The following GRIK2 variants were observed in gnomAD, a reference collection of about 807,000 sequenced individuals.
The protein encoded by GRIK2 is glutamate ionotropic receptor kainate type subunit 2, also known as glutamate receptor ionotropic, kainate 2.
In GRIK2, 32 loss-of-function variants were observed where a neutral mutation model predicts 100.3. That is an observed-to-expected ratio of 0.32 (90% CI 0.24 to 0.43). The LOEUF (loss-of-function observed/expected upper bound fraction) is 0.43. GRIK2 is among the 20% of genes least tolerant of loss of function. GRIK2 has a pLI of 1.00. For missense variants in GRIK2, 843 were observed against 1,114.9 expected, an observed-to-expected ratio of 0.76 and a Z score of 3.47; for synonymous variants, 417 against 389.4, an observed-to-expected ratio of 1.07 and a Z score of -0.83.
At chr6:102,015,448 T>C (rs1240623784) in intron 14 of GRIK2, among the ~76,000 whole-genome samples, 1 of 152,192 alleles carries the variant, frequency 6.6e-6, no homozygotes, top group Non-Finnish European at 1.5e-5. Flanking sequence ...TCAAGGTTAG[T>C]ATTGATATGT....
At chr6:101,913,086 T>G (rs532175878) in intron 12 of GRIK2, among the ~76,000 whole-genome samples, 1 of 151,682 alleles carries the variant, frequency 6.6e-6, no homozygotes. Flanking sequence ...GCTCAAGAAG[T>G]AGATCACAAA....
intron 2 of GRIK2, among the ~76,000 whole-genome samples, chr6:101,608,805 G>A (rs1258365215): frequency 8.6e-6 from 1 of 116,094 alleles, no homozygotes; most frequent in African/African-American, 3.6e-5. Flanking sequence ...GTGTGTGTGT[G>A]TGTGTGTGTA....
At chr6:101,632,101 C>T (rs1339926801) in intron 4 of GRIK2, among the ~76,000 whole-genome samples, 1 of 152,158 alleles carries the variant, frequency 6.6e-6, no homozygotes, top group Non-Finnish European at 1.5e-5. Context: ...TGCACACGTA[C>T]ATGTGCACAT....
intron 2 of GRIK2, among the ~76,000 whole-genome samples, chr6:101,546,458 A>G (rs1776238293): frequency 1.3e-5 from 2 of 152,168 alleles, no homozygotes; most frequent in Non-Finnish European, 2.9e-5. Context: ...TATTTCATAT[A>G]TTGAGGGCAT....
At chr6:101,595,689 T>C (rs1220823647) in intron 2 of GRIK2, among the ~76,000 whole-genome samples, 1 of 85,752 alleles carries the variant, frequency 1.2e-5, no homozygotes, top group African/African-American at 6.4e-5. Context: ...TTTGTGCATG[T>C]ATATATATAT....
chr6:101,815,398 C>T (rs1781573112), intron 9 of GRIK2, among the ~76,000 whole-genome samples: 1 of 152,034 alleles, frequency 6.6e-6, no homozygotes, highest in Admixed American at 6.6e-5. Context: ...TTCTATAGCT[C>T]CTTATGACTT....
At chr6:101,445,322 T>C (rs903266867) in intron 2 of GRIK2, among the ~76,000 whole-genome samples, 1 of 152,110 alleles carries the variant, frequency 6.6e-6, no homozygotes, top group African/African-American at 2.4e-5. Context: ...CTTCCTATCA[T>C]TGTGATTACA....
chr6:101,788,873 T>C (rs1227358121), intron 7 of GRIK2, among the ~76,000 whole-genome samples: 4 of 152,140 alleles, frequency 2.6e-5, no homozygotes, highest in African/African-American at 9.7e-5. Flanking sequence ...CCAGCACCTG[T>C]TGTTTCCTGA....
At chr6:101,645,842 T>C (rs978866674) in intron 4 of GRIK2, among the ~76,000 whole-genome samples, 9 of 151,980 alleles carry the variant, frequency 5.9e-5, no homozygotes, top group Non-Finnish European at 7.4e-5. Context: ...TGCACATTTA[T>C]GTTGAATGTT....
intron 2 of GRIK2, among the ~76,000 whole-genome samples, chr6:101,426,816 T>C (rs960723867): frequency 4.6e-5 from 7 of 152,178 alleles, no homozygotes; most frequent in Non-Finnish European, 1.0e-4. Flanking sequence ...TACTGCTTGC[T>C]AAATGAAATT....
At chr6:101,824,019 A>G (rs1782147841) in intron 10 of GRIK2, among the ~76,000 whole-genome samples, 1 of 151,506 alleles carries the variant, frequency 6.6e-6, no homozygotes, top group African/African-American at 2.4e-5. Context: ...AAGCACTGCC[A>G]CCATGCCTGG....
chr6:101,551,140 C>G (rs1442265021), intron 2 of GRIK2, among the ~76,000 whole-genome samples: 2 of 152,056 alleles, frequency 1.3e-5, no homozygotes, highest in African/African-American at 4.8e-5. Flanking sequence ...TTCCTGAGAG[C>G]TTTTTTAGAA....
chr6:101,937,235 T>C (rs1790672939), intron 14 of GRIK2, among the ~76,000 whole-genome samples: 1 of 152,124 alleles, frequency 6.6e-6, no homozygotes, highest in Non-Finnish European at 1.5e-5. Context: ...CATACACTAG[T>C]ATGCTATGGT....
intron 12 of GRIK2, among the ~76,000 whole-genome samples, chr6:101,891,313 T>C (rs1328557085): frequency 2.0e-5 from 3 of 151,848 alleles, no homozygotes; most frequent in African/African-American, 7.3e-5. Context: ...AGTCAGGAGA[T>C]TGAGACCATC....
At chr6:101,769,841 G>T (rs994922311) in intron 7 of GRIK2, among the ~76,000 whole-genome samples, 1 of 152,130 alleles carries the variant, frequency 6.6e-6, no homozygotes, top group African/African-American at 2.4e-5. Context: ...GAAGACAGAG[G>T]TTTTCAAAGA....
chr6:101,923,653 G>T (rs994237578), intron 12 of GRIK2, among the ~76,000 whole-genome samples: 1 of 152,096 alleles, frequency 6.6e-6, no homozygotes, highest in Non-Finnish European at 1.5e-5. Flanking sequence ...CGGCGCGGTG[G>T]CTCACGCCTG....
At chr6:102,044,357 CT>C (rs1770763743) in intron 15 of GRIK2, among the ~76,000 whole-genome samples, 1 of 151,914 alleles carries the variant, frequency 6.6e-6, no homozygotes, top group African/African-American at 2.4e-5. Flanking sequence ...TTTTACCTAT[CT>C]TAAGATTCCT....
intron 2 of GRIK2, among the ~76,000 whole-genome samples, chr6:101,574,376 A>C (rs1019024021): frequency 1.4e-5 from 2 of 148,074 alleles, no homozygotes; most frequent in African/African-American, 4.9e-5. Flanking sequence ...ATATAAATAT[A>C]TAAAGTGTAT....
intron 3 of GRIK2, among the ~76,000 whole-genome samples, chr6:101,624,483 C>T (rs1169980501): frequency 1.3e-5 from 2 of 152,020 alleles, no homozygotes; most frequent in Non-Finnish European, 2.9e-5. Flanking sequence ...AGTGTTCTGA[C>T]AATAATTTAC....
Sources: gnomAD v4.1 joint callset for allele counts (sites outside exome capture counted in the v4.1 genomes callset) on GRCh38, gnomAD v4.1.1 for gene constraint, MANE v1.5 for transcripts, NCBI Gene and HGNC (gene_info 2026-07-23, HGNC 2026-07-21) for gene names.